Variants in USP7 observed in about 807,000 individuals in gnomAD.
USP7 encodes ubiquitin C-terminal hydrolase 7.
USP7 carries 9 observed loss-of-function variants against 162.9 expected under a neutral mutation model. The observed-to-expected ratio is 0.06, with a 90% CI of 0.03 to 0.10. USP7 has a LOEUF of 0.10. USP7 is among the 10% of genes least tolerant of loss of function. The probability of loss-of-function intolerance (pLI) is 1.00; values close to 1 mark genes in which losing one functional copy is unlikely to be tolerated. For missense variants in USP7, 715 were observed against 1,373.7 expected (o/e 0.52, Z 7.58); for synonymous variants, 562 against 475.9 (o/e 1.18, Z -2.35).
chr16:8,923,905 G>A (rs1169137519), intron 2 of USP7, among the ~76,000 whole-genome samples: 2 of 152,192 alleles, frequency 1.3e-5, no homozygotes, highest in African/African-American at 4.8e-5. Context: ...GCACTGCTCA[G>A]AGGCAAGACA....
At chr16:8,933,846 C>A (rs1382671246) in intron 1 of USP7, among the ~76,000 whole-genome samples, 5 of 151,672 alleles carry the variant, frequency 3.3e-5, no homozygotes, top group Non-Finnish European at 7.4e-5. Context: ...GCCTCCATCT[C>A]CTGGGTTCAA....
At chr16:8,914,222 T>G (rs1050738474) in intron 10 of USP7, among the ~76,000 whole-genome samples, 1 of 152,036 alleles carries the variant, frequency 6.6e-6, no homozygotes, top group Non-Finnish European at 1.5e-5. Flanking sequence ...AAATACAAAC[T>G]AAAATGCAGA....
At chr16:8,960,230 G>A (rs930613655) in intron 1 of USP7, among the ~76,000 whole-genome samples, 1 of 152,140 alleles carries the variant, frequency 6.6e-6, no homozygotes, top group African/African-American at 2.4e-5. Context: ...CTAGAAACAT[G>A]CAACTGGCTG....
chr16:8,926,244 G>C (rs573587604), intron 2 of USP7, among the ~76,000 whole-genome samples: 147 of 152,230 alleles, frequency 9.7e-4, no homozygotes, highest in African/African-American at 3.4e-3. Context: ...TTGGGAGGCA[G>C]AGGCGGGCGG....
At chr16:8,924,869 T>C (rs996833595) in intron 2 of USP7, among the ~76,000 whole-genome samples, 2 of 152,222 alleles carry the variant, frequency 1.3e-5, no homozygotes, top group Admixed American at 1.3e-4. Flanking sequence ...CCCTGCTGAG[T>C]TGCTTACAGC....
chr16:8,894,263 C>T (rs2061647306), intron 30 of USP7, among the ~76,000 whole-genome samples, 159 bp from the exon 31 acceptor site: 1 of 152,166 alleles, frequency 6.6e-6, no homozygotes, highest in African/African-American at 2.4e-5. Context: ...GCTAAGGAGG[C>T]CCACACCCTG....
chr16:8,927,320 GAA>G (rs111731536), intron 2 of USP7, among the ~76,000 whole-genome samples: 1 of 138,942 alleles, frequency 7.2e-6, no homozygotes, highest in Non-Finnish European at 1.6e-5. Flanking sequence ...AAAAGAAAAA[GAA>G]AAAAAAAAAG....
intron 11 of USP7, 104 bp downstream of exon 11, chr16:8,910,641 G>A: frequency 1.0e-6 from 1 of 992,870 alleles, no homozygotes. Context: ...CTAAATACCA[G>A]AAACACATGA....
At chr16:8,919,279 AC>A (rs1897545397) in intron 5 of USP7, 140 bp from the exon 6 acceptor site, 1 of 767,826 alleles carries the variant, frequency 1.3e-6, no homozygotes, top group Non-Finnish European at 2.2e-6. Context: ...TTCAATGGTC[AC>A]CGATTCCCTT....
At chr16:8,937,213 T>TAA in intron 1 of USP7, among the ~76,000 whole-genome samples, 1 of 87,796 alleles carries the variant, frequency 1.1e-5, no homozygotes, top group African/African-American at 4.0e-5. Context: ...TGTCTTTTTT[T>TAA]AAAAAAAAAA....
intron 7 of USP7, 32 bp downstream of exon 7, chr16:8,916,994 C>G (rs1034146586): frequency 1.4e-6 from 2 of 1,476,722 alleles, no homozygotes; most frequent in African/African-American, 1.5e-5. Context: ...AAAGAGGAAG[C>G]AGAATGGCAA....
chr16:8,910,721 A>C, intron 11 of USP7, 24 bp downstream of exon 11: 2 of 1,605,630 alleles, frequency 1.2e-6, no homozygotes, highest in Non-Finnish European at 1.7e-6. Flanking sequence ...ACAACAGGAC[A>C]CTAGCACAAA....
At chr16:8,917,826 G>C (rs1031944978) in intron 6 of USP7, among the ~76,000 whole-genome samples, 5 of 151,722 alleles carry the variant, frequency 3.3e-5, no homozygotes, top group African/African-American at 9.7e-5. Context: ...GTCTTGCTCT[G>C]TCACCCAGGC....
chr16:8,949,742 T>C (rs1899462794), intron 1 of USP7: 1 of 152,314 alleles, frequency 6.6e-6, no homozygotes, highest in South Asian at 2.1e-4. Context: ...GAACCCATGC[T>C]GGCTTTCCTT....
At position 8,893,129 on chromosome 16, in the gene USP7, CATTTTT is replaced by C. The variant is rs1328176956; in HGVS notation, c.*863_*868del. ...TACAATTCATTTTTCCTTTTTTTTT[CATTTTT>C]AACTTTTTTACAAAGTCGACAGCTT... On this transcript the variant is annotated 3_prime_UTR_variant, in exon 31 of 31. Transcript: ENST00000344836. 1 of 150,954 alleles carries C rather than the reference CATTTTT, an allele frequency of 6.6e-6. No individual in the cohort carries two copies. The highest frequency in any genetic ancestry group is 1.5e-5 in the Non-Finnish European group (1 of 67,730). 9.4% of individuals were successfully genotyped at this position (150,954 alleles called of 1,614,324 possible).
At chr16:8,906,368 C>A in intron 13 of USP7, 58 bp downstream of exon 13, 1 of 1,576,654 alleles carries the variant, frequency 6.3e-7, no homozygotes, top group Non-Finnish European at 8.6e-7. Context: ...CAGGCTGAAG[C>A]AGAGCTTGTG....
At chr16:8,920,513 T>A (rs1382399024) in intron 4 of USP7, 66 bp from the exon 5 acceptor site, 3 of 1,331,236 alleles carry the variant, frequency 2.3e-6, no homozygotes, top group Non-Finnish European at 3.2e-6. Flanking sequence ...AAGAGACAAA[T>A]TACATTAGTG....
intron 10 of USP7, among the ~76,000 whole-genome samples, chr16:8,912,839 C>G (rs1261917081): frequency 6.6e-6 from 1 of 151,428 alleles, no homozygotes; most frequent in African/African-American, 2.4e-5. Flanking sequence ...CCAAGTCAAA[C>G]TTCTAAAAAT....
rs762436913 is a variant in USP7, at chr16:8,921,163, G to T, written c.516C>A (p.Ala172=). ...ENDWGFSNFM[A]WSEVTDPEKG... is the part of the protein sequence containing the mutation. ...TAAATACACTGTTACTTACACTCCA[G>T]GCCATAAAATTGGAAAATCCCCAAT... Residue 172 remains alanine (A), a synonymous_variant, in exon 4 of 31, where the codon GCC becomes GCA. Transcript: ENST00000344836. 2.0e-5 allele frequency: 32 copies of T among 1,613,724 alleles called. No homozygotes were observed. In the Admixed American group the frequency reaches 5.2e-4, roughly 26 times the overall value.
Sources: allele counts gnomAD v4.1 joint callset (sites outside exome capture counted in the v4.1 genomes callset), GRCh38; gene constraint gnomAD v4.1.1; transcripts MANE v1.5; gene names NCBI Gene and HGNC (gene_info 2026-07-23, HGNC 2026-07-21).